Variants in C8orf34 observed in about 807,000 individuals in gnomAD.
C8orf34 encodes chromosome 8 open reading frame 34, also known as uncharacterized protein C8orf34.
C8orf34 carries 65 observed loss-of-function variants against 68.3 expected under a neutral mutation model. That is an observed-to-expected ratio of 0.95 (90% confidence interval 0.78 to 1.17). C8orf34 has a LOEUF of 1.17. Ranked by LOEUF, C8orf34 falls within the 50% of genes most tolerant of loss-of-function variation. C8orf34 has a pLI of 0.00. For missense variants in C8orf34, 664 were observed against 655.4 expected (o/e 1.01, Z -0.14); for synonymous variants, 244 against 241.2 (o/e 1.01, Z -0.11).
chr8:68,796,206 C>G (rs1297750020), intron 12 of C8orf34, among the ~76,000 whole-genome samples: 1 of 152,118 alleles, frequency 6.6e-6, no homozygotes, highest in Admixed American at 6.5e-5. Context: ...AGCCGTTTTT[C>G]TTGAGTTAAT....
chr8:68,334,263 A>C (rs1472714819), intron 1 of C8orf34, among the ~76,000 whole-genome samples: 2 of 152,114 alleles, frequency 1.3e-5, no homozygotes, highest in Admixed American at 1.3e-4. Flanking sequence ...TTCATTGAAG[A>C]TGTTTTGGAG....
chr8:68,494,005 C>G (rs776239437), intron 5 of C8orf34, among the ~76,000 whole-genome samples: 1 of 152,128 alleles, frequency 6.6e-6, no homozygotes, highest in Non-Finnish European at 1.5e-5. Flanking sequence ...ATGAAGCCAT[C>G]CCACTTCTAA....
intron 9 of C8orf34, among the ~76,000 whole-genome samples, chr8:68,710,467 A>G (rs1254126265): frequency 1.3e-5 from 2 of 152,120 alleles, no homozygotes; most frequent in African/African-American, 2.4e-5. Context: ...CTTTAGGACT[A>G]TGGGCTGCCT....
At chr8:68,404,029 CA>C (rs1215234551) in intron 1 of C8orf34, among the ~76,000 whole-genome samples, 3 of 152,218 alleles carry the variant, frequency 2.0e-5, no homozygotes, top group African/African-American at 7.2e-5. Context: ...ACATCCTCTC[CA>C]ACATCTGTTG....
chr8:68,342,491 G>A (rs1806112786), intron 1 of C8orf34, among the ~76,000 whole-genome samples: 1 of 152,200 alleles, frequency 6.6e-6, no homozygotes. Context: ...AAACTCAGCA[G>A]TGTAGTAGCC....
At chr8:68,679,571 C>A (rs903186689) in intron 8 of C8orf34, among the ~76,000 whole-genome samples, 4 of 151,986 alleles carry the variant, frequency 2.6e-5, no homozygotes, top group African/African-American at 9.7e-5. Flanking sequence ...TAGAAAAAAA[C>A]CACTATCTTT....
chr8:68,518,862 C>T (rs533476721), intron 5 of C8orf34, among the ~76,000 whole-genome samples: 3 of 142,606 alleles, frequency 2.1e-5, no homozygotes, highest in African/African-American at 8.2e-5. Context: ...CCACTACACT[C>T]CAGCCTGGCG....
At chr8:68,449,952 T>C in intron 3 of C8orf34, among the ~76,000 whole-genome samples, 1 of 152,132 alleles carries the variant, frequency 6.6e-6, no homozygotes, top group East Asian at 1.9e-4. Context: ...GTACACAGAG[T>C]AGAACTTCTT....
At chr8:68,715,395 A>C (rs1821442848) in intron 9 of C8orf34, among the ~76,000 whole-genome samples, 1 of 152,142 alleles carries the variant, frequency 6.6e-6, no homozygotes, top group Admixed American at 6.5e-5. Context: ...TAATATCCAG[A>C]ATCTATAATA....
chr8:68,757,908 A>T (rs962685185), intron 10 of C8orf34, among the ~76,000 whole-genome samples: 1 of 152,182 alleles, frequency 6.6e-6, no homozygotes, highest in Non-Finnish European at 1.5e-5. Context: ...CATCAACTTT[A>T]TATGGTTCTA....
intron 4 of C8orf34, among the ~76,000 whole-genome samples, chr8:68,469,381 T>C (rs1391605703): frequency 6.6e-6 from 1 of 151,986 alleles, no homozygotes; most frequent in Non-Finnish European, 1.5e-5. Context: ...TCATTTACCC[T>C]CCATGTGCCT....
chr8:68,596,854 A>G (rs1817559775), intron 7 of C8orf34, among the ~76,000 whole-genome samples: 1 of 152,154 alleles, frequency 6.6e-6, no homozygotes, highest in South Asian at 2.1e-4. Flanking sequence ...CCAGAACAAA[A>G]GGCTGACAAG....
intron 7 of C8orf34, among the ~76,000 whole-genome samples, chr8:68,588,374 C>T (rs1330044594): frequency 1.3e-5 from 2 of 152,076 alleles, no homozygotes; most frequent in Non-Finnish European, 2.9e-5. Flanking sequence ...GGTGTTGATG[C>T]ATGATTAAAG....
chr8:68,437,640 T>A (rs534671665), intron 1 of C8orf34, among the ~76,000 whole-genome samples: 164 of 152,306 alleles, frequency 1.1e-3, no homozygotes, highest in African/African-American at 2.9e-3. Context: ...TGGCCTTTTT[T>A]AATTTATTAT....
intron 10 of C8orf34, among the ~76,000 whole-genome samples, chr8:68,727,358 CA>C (rs1278111358): frequency 6.6e-6 from 1 of 152,178 alleles, no homozygotes; most frequent in African/African-American, 2.4e-5. Flanking sequence ...TATGGCTTTG[CA>C]GGGCACACCC....
chr8:68,554,637 G>C (rs150859677), intron 7 of C8orf34, among the ~76,000 whole-genome samples: 432 of 152,184 alleles, frequency 2.8e-3, no homozygotes, highest in African/African-American at 9.3e-3. Context: ...AGCCACCATA[G>C]TAAGTGTTTT....
At position 68,654,323 on chromosome 8, in the gene C8orf34, T is replaced by A. The variant is rs538872181; in HGVS notation, c.1241+13812T>A. On this transcript the variant is annotated intron_variant, in intron 8 of 13. Coordinates refer to ENST00000518698, the MANE Select transcript of C8orf34 (RefSeq NM_052958.4). ...AATTACCCAGTCCAAGGTATTTTGT[T>A]ATAGGGCAGCCTGAACAGACTAAGA... Among the ~76,000 whole-genome samples the A allele has an allele frequency of 4.2e-4, 64 of 152,326 alleles. 1 individual carries two copies. The highest frequency in any genetic ancestry group is 1.5e-3 in the African/African-American group (61 of 41,574).
chr8:68,530,952 A>G (rs534302904), intron 6 of C8orf34, among the ~76,000 whole-genome samples: 10 of 152,188 alleles, frequency 6.6e-5, no homozygotes, highest in Admixed American at 5.9e-4. Context: ...ACCACAGAAT[A>G]TTTAAAAGTA....
At chr8:68,500,356 G>A (rs1813712749) in intron 5 of C8orf34, among the ~76,000 whole-genome samples, 2 of 152,262 alleles carry the variant, frequency 1.3e-5, no homozygotes, top group East Asian at 1.9e-4. Flanking sequence ...ATCAAAGAAA[G>A]CCTGAAAACT....
Sources: gnomAD v4.1 joint callset for allele counts (sites outside exome capture counted in the v4.1 genomes callset) on GRCh38, gnomAD v4.1.1 for gene constraint, MANE v1.5 for transcripts, NCBI Gene and HGNC (gene_info 2026-07-23, HGNC 2026-07-21) for gene names.